The following PKD1 variants were observed in gnomAD, a reference collection of about 807,000 sequenced individuals.
PKD1 encodes polycystin-1.
In PKD1, 81 loss-of-function variants were observed where a neutral mutation model predicts 361.7. The ratio of observed to expected loss-of-function variants is 0.22; its 90% CI spans 0.19 to 0.27. PKD1 has a LOEUF of 0.27. PKD1 is among the 10% of genes least tolerant of loss of function. PKD1 has a pLI of 1.00. For synonymous variants in PKD1, 3,615 were observed against 2,818.3 expected, an observed-to-expected ratio of 1.28 and a Z score of -8.95; for missense variants, 6,399 against 6,118.3, an observed-to-expected ratio of 1.05 and a Z score of -1.53.
In PKD1 at chr16:2,088,819, C is replaced by T. The variant is rs911585648; in HGVS notation, c.*908G>A. ...CAGAAGTGGTACACAGAAGCAGGCACAGCCAGCTCCGAGGGCCTTGAGGCT... is the reference window on the plus strand; with the variant it reads ...CAGAAGTGGTACACAGAAGCAGGCATAGCCAGCTCCGAGGGCCTTGAGGCT... On this transcript the variant is annotated 3_prime_UTR_variant, in exon 46 of 46. Transcript: ENST00000262304. 1.5e-6 allele frequency: 1 copy of T among 675,104 alleles called. No homozygotes were observed. The highest frequency in any genetic ancestry group is 2.4e-6 in the Non-Finnish European group (1 of 408,358). 41.8% of individuals were successfully genotyped at this position (675,104 alleles called of 1,614,324 possible). A position where few individuals can be genotyped will look rare whatever the true frequency, so the allele number is the denominator to read the frequency against.
chr16:2,097,198 G>A lies in PKD1; in HGVS notation c.10449C>T (p.Ser3483=), dbSNP rs376590453. The A allele has an allele frequency of 3.8e-5, 59 of 1,565,264 alleles. 1 individual carries two copies. In the South Asian group the frequency reaches 5.8e-4, roughly 16 times the overall value. The change falls in exon 34 of 46, where the codon AGC becomes AGT. Residue 3483 remains serine, a synonymous_variant. Transcript: ENST00000262304. The part of the protein sequence containing the change: ...IQQVLAEGVS[S]PAPTQDTHME... ...TGTGGGTGTCTTGGGTAGGGGCTGGGCTGCTGACCCCCTCGGCAAGGACCT... is the reference window on the plus strand; with the variant it reads ...TGTGGGTGTCTTGGGTAGGGGCTGGACTGCTGACCCCCTCGGCAAGGACCT...
rs397514891 is a variant in PKD1 at position 2,088,757 on chromosome 16, T to TG, written c.*969dup. 1.7e-3 allele frequency: 1,917 copies of TG among 1,158,038 alleles called. 1 individual carries two copies. The highest frequency in any genetic ancestry group is 2.1e-3 in the Non-Finnish European group (1,786 of 834,784). 71.7% of individuals were successfully genotyped at this position (1,158,038 alleles called of 1,614,324 possible). A position where few individuals can be genotyped will look rare whatever the true frequency, so the allele number is the denominator to read the frequency against. Reference sequence around the variant, plus strand: ...GACTTTGTCTGCTTGGTGCGGGGGTTGGGGGGGTGTCGAGGCTCTAGAAGC... The same window carrying TG: ...GACTTTGTCTGCTTGGTGCGGGGGTTGGGGGGGGTGTCGAGGCTCTAGAAGC... On this transcript the variant is annotated 3_prime_UTR_variant, in exon 46 of 46. Coordinates refer to ENST00000262304, the MANE Select transcript of PKD1 (RefSeq NM_001009944.3).
Position 2,106,180 on chromosome 16 carries a change from C to G in PKD1, c.7614G>C (p.Val2538=), listed in dbSNP as rs1259190514. 6.2e-7 allele frequency: 1 copy of G among 1,609,774 alleles called. No individual in the cohort carries two copies. Residue 2538 remains valine, a synonymous_variant, in exon 19 of 46, where the codon GTG becomes GTC. Transcript: ENST00000262304. The surrounding 1 kb of genome is among the most constrained non-coding windows in gnomAD (Gnocchi z 6.5). ...AGTGTGGCCTGAAACCCGGGGGCAG[C>G]ACGGCTCCGTAGCTGGAGAGGCTGC... is the stretch of plus-strand genomic sequence containing the variant. ...YKGSLSSYGA[V]LPPGFRPHFE... is the part of the protein sequence containing the mutation.
At position 2,100,459 on chromosome 16, in the gene PKD1, G is replaced by A. The variant is rs765180455; in HGVS notation, c.9505C>T (p.Arg3169Trp). 2.7e-5 allele frequency: 44 copies of A among 1,610,830 alleles called. No individual in the cohort carries two copies. The highest frequency in any genetic ancestry group is 6.7e-5 in the East Asian group (3 of 44,882). Reference sequence around the variant, plus strand: ...CCCAGGCTGTGCGGGGTGGCGATCCGGAAGATGTCCAGGCTGTTGCGGTGG... The same window carrying A: ...CCCAGGCTGTGCGGGGTGGCGATCCAGAAGATGTCCAGGCTGTTGCGGTGG... Reference protein sequence around the residue: ...AFHRNSLDIFRIATPHSLGSV... With the variant: ...AFHRNSLDIFWIATPHSLGSV... The change falls in exon 27 of 46, where the codon CGG becomes TGG. Residue 3169 changes from arginine (R) to tryptophan (W), a missense_variant. Coordinates refer to ENST00000262304, the MANE Select transcript of PKD1 (RefSeq NM_001009944.3). The surrounding 1 kb of genome is among the most constrained non-coding windows in gnomAD (Gnocchi z 4.4).
rs765747211 is a variant in PKD1, at chr16:2,097,956, G to C, written c.10079C>G (p.Ala3360Gly). 1 of 1,597,398 alleles carries C rather than the reference G, an allele frequency of 6.3e-7. No individual in the cohort carries two copies. The highest frequency in any genetic ancestry group is 1.7e-5 in the Admixed American group (1 of 59,698). The part of the protein sequence containing the change: ...KVAGSPSPTP[A>G]GQQVLDIDSC... ...GTCGATGTCCAGCACCTGCTGCCCG[G>C]CAGGTGTGGGGCTCGGGCTCCCAGC... The change falls in exon 31 of 46, where the codon GCC becomes GGC. Residue 3360 changes from alanine to glycine, a missense_variant. Transcript: ENST00000262304.
rs183420430 is a variant in PKD1, at chr16:2,098,336, G to A, written c.10051-352C>T. On this transcript the variant is annotated intron_variant, in intron 30 of 45. Coordinates refer to ENST00000262304, the MANE Select transcript of PKD1 (RefSeq NM_001009944.3). ...CGATTGTCCTGGCTCAGCCTCCTGAGTAGCTGGGATTACAGGTGCCTGCCA... is the reference window on the plus strand; with the variant it reads ...CGATTGTCCTGGCTCAGCCTCCTGAATAGCTGGGATTACAGGTGCCTGCCA... 652 of 377,336 alleles carry A rather than the reference G, an allele frequency of 1.7e-3. 8 individuals are homozygous for A. Among genetic ancestry groups the A allele is most frequent in the African/African-American group, 0.013 (614 of 48,398 alleles). The allele number at this position is 377,336 out of a possible 1,614,324, so 23.4% of individuals were successfully genotyped here.
At chr16:2,124,499 G>A (rs770668927) in intron 1 of PKD1, among the ~76,000 whole-genome samples, 2 of 152,210 alleles carry the variant, frequency 1.3e-5, no homozygotes, top group African/African-American at 2.4e-5. Context: ...AGCCGGGGTC[G>A]GGGAATGCAA....
At chr16:2,092,654 GC>G in intron 38 of PKD1, 62 bp from the exon 39 acceptor site, 1 of 1,189,396 alleles carries the variant, frequency 8.4e-7, no homozygotes, top group Non-Finnish European at 1.2e-6. Context: ...CGAGTGAGCG[GC>G]CACCAGAGAC....
chr16:2,103,584 G>C lies in PKD1; in HGVS notation c.8473C>G (p.Leu2825Val). The C allele has an allele frequency of 6.2e-7, 1 of 1,610,298 alleles. No homozygotes were observed. The highest frequency in any genetic ancestry group is 8.5e-7 in the Non-Finnish European group (1 of 1,179,636). ...ALANLSDVVQ[L>V]IFLVDSNPFP... is the part of the protein sequence containing the mutation. ...GGATTGGAGTCCACCAGAAAGATGA[G>C]CTGCACCACGTCACTGAGGTTGGCC... Residue 2825 changes from leucine to valine, a missense_variant, in exon 23 of 46, where the codon CTC becomes GTC. Coordinates refer to ENST00000262304, the MANE Select transcript of PKD1 (RefSeq NM_001009944.3).
intron 7 of PKD1, 48 bp downstream of exon 7, chr16:2,116,785 C>G (rs1371422221): frequency 4.0e-6 from 5 of 1,238,932 alleles, no homozygotes; most frequent in Non-Finnish European, 5.7e-6. Context: ...CTCGGCAGGC[C>G]CCTAACCACA....
chr16:2,100,142 T>C lies in PKD1; in HGVS notation c.9712+24A>G. The stretch of plus-strand genomic sequence containing the variant: ...CCACCCTGCCCAACCTCCCACGGAG[T>C]GGGAACATGGAACGAGGCCTTACTC... On this transcript the variant is annotated intron_variant, in intron 28 of 45. Transcript: ENST00000262304. The surrounding 1 kb of genome is among the most constrained non-coding windows in gnomAD (Gnocchi z 4.4). 6.2e-7 allele frequency: 1 copy of C among 1,605,044 alleles called. No homozygotes were observed. The highest frequency in any genetic ancestry group is 8.5e-7 in the Non-Finnish European group (1 of 1,175,604).
At chr16:2,112,645 C>G in intron 13 of PKD1, 143 bp downstream of exon 13, 1 of 1,083,288 alleles carries the variant, frequency 9.2e-7, no homozygotes, top group Non-Finnish European at 1.4e-6. Flanking sequence ...AGCCTCAGGG[C>G]TCCTGTGCAC....
rs762702722 is a variant in PKD1, at chr16:2,103,934, T to C, written c.8162-39A>G. 162 of 1,245,038 alleles carry C rather than the reference T, an allele frequency of 1.3e-4. 1 individual carries two copies. In the Admixed American group the frequency reaches 2.3e-3, roughly 18 times the overall value. The allele number at this position is 1,245,038 out of a possible 1,614,324, so 77.1% of individuals were successfully genotyped here. A position where few individuals can be genotyped will look rare whatever the true frequency, so the allele number is the denominator to read the frequency against. On this transcript the variant is annotated intron_variant, in intron 22 of 45. Coordinates refer to ENST00000262304, the MANE Select transcript of PKD1 (RefSeq NM_001009944.3). ...TGAGGTCAGTGCAGAGACAGGGAGG[T>C]AGAGGGAGGGTGGGGGCAGGCAAAA... is the stretch of plus-strand genomic sequence containing the variant.
At position 2,097,931 on chromosome 16, in the gene PKD1, G is replaced by C; in HGVS notation, c.10104C>G (p.Asp3368Glu). Residue 3368 changes from aspartate (D) to glutamate (E), a missense_variant, in exon 31 of 46, where the codon GAC becomes GAG. Physicochemically the swap from Asp to Glu is conservative, Grantham distance 45. Coordinates refer to ENST00000262304, the MANE Select transcript of PKD1 (RefSeq NM_001009944.3). Reference protein sequence around the residue: ...TPAGQQVLDIDSCLDSSVLDS... With the variant: ...TPAGQQVLDIESCLDSSVLDS... ...CCAGCACGGACGAGTCCAGGCAGCTGTCGATGTCCAGCACCTGCTGCCCGG... is the reference window on the plus strand; with the variant it reads ...CCAGCACGGACGAGTCCAGGCAGCTCTCGATGTCCAGCACCTGCTGCCCGG... 1 of 1,603,888 alleles carries C rather than the reference G, an allele frequency of 6.2e-7. No homozygotes were observed. The highest frequency in any genetic ancestry group is 8.5e-7 in the Non-Finnish European group (1 of 1,173,974).
Position 2,094,011 on chromosome 16 carries a change from G to A in PKD1, c.10621C>T (p.Leu3541=), listed in dbSNP as rs775062482. The A allele has an allele frequency of 1.3e-6, 2 of 1,590,578 alleles. No homozygotes were observed. Among genetic ancestry groups the A allele is most frequent in the Non-Finnish European group, 1.7e-6 (2 of 1,169,912 alleles). Residue 3541 remains leucine (L), a splice_region_variant and synonymous_variant, in exon 36 of 46, where the codon CTG becomes TTG. Coordinates refer to ENST00000262304, the MANE Select transcript of PKD1 (RefSeq NM_001009944.3). ...PQAARLSRTG[L]VEGLRKRLLP... ...AGGCGCTTCCGCAGACCCTCCACCA[G>A]TCCTGGGGAAGCAGAGACAGACCTG...
chr16:2,111,131 T>A lies in PKD1; in HGVS notation c.4036A>T (p.Thr1346Ser). The change falls in exon 15 of 46, where the codon ACA (threonine) becomes TCA (serine). Residue 1346 changes from threonine (T) to serine (S), a missense_variant. Physicochemically the swap from Thr to Ser is moderately conservative, Grantham distance 58. Transcript: ENST00000262304. ...GTGCCGCTCCGCGTGAAGTTGTGTG[T>A]CACCGTCGGGCACCCCCGCACGGTC... ...NTTVRGCPTV[T>S]HNFTRSGTFP... is the part of the protein sequence containing the mutation. 1.9e-6 allele frequency: 3 copies of A among 1,610,946 alleles called. No individual in the cohort carries two copies. The highest frequency in any genetic ancestry group is 2.1e-4 in the Middle Eastern group (1 of 4,780).
chr16:2,114,931 G>C lies in PKD1; in HGVS notation c.2098-6C>G, dbSNP rs1004981803. 25 of 1,530,394 alleles carry C rather than the reference G, an allele frequency of 1.6e-5. No individual in the cohort carries two copies. Among genetic ancestry groups the C allele is most frequent in the Non-Finnish European group, 2.1e-5 (24 of 1,142,534 alleles). 94.8% of individuals were successfully genotyped at this position (1,530,394 alleles called of 1,614,324 possible). A position where few individuals can be genotyped will look rare whatever the true frequency, so the allele number is the denominator to read the frequency against. On this transcript the variant is annotated splice_polypyrimidine_tract_variant and splice_region_variant and intron_variant, in intron 10 of 45. Transcript: ENST00000262304. ...TCCTGGCCGTGGAGGGTGACCTGTG[G>C]AGAGGGAGGCAGGGCTGCATCACGT...
At position 2,094,002 on chromosome 16, in the gene PKD1, C is replaced by G; in HGVS notation, c.10630G>C (p.Gly3544Arg). The G allele has an allele frequency of 6.3e-7, 1 of 1,589,354 alleles. No individual in the cohort carries two copies. Among genetic ancestry groups the G allele is most frequent in the Non-Finnish European group, 8.5e-7 (1 of 1,169,680 alleles). ...ARLSRTGLVEGLRKRLLPAWC... is the reference protein window; with the variant it reads ...ARLSRTGLVERLRKRLLPAWC... ...GCCGGCAGCAGGCGCTTCCGCAGAC[C>G]CTCCACCAGTCCTGGGGAAGCAGAG... Residue 3544 changes from glycine to arginine, a missense_variant, in exon 36 of 46, where the codon GGT becomes CGT. Physicochemically the swap from Gly to Arg is moderately radical, Grantham distance 125 (BLOSUM62 -2). Coordinates refer to ENST00000262304, the MANE Select transcript of PKD1 (RefSeq NM_001009944.3).
chr16:2,115,315 G>A, intron 10 of PKD1, 63 bp downstream of exon 10: 1 of 1,411,912 alleles, frequency 7.1e-7, no homozygotes, highest in East Asian at 2.5e-5. Flanking sequence ...CCAGACCCTG[G>A]GCAGCAGACA....
Sources: gnomAD v4.1 joint callset for allele counts (sites outside exome capture counted in the v4.1 genomes callset) on GRCh38, gnomAD v4.1.1 for gene constraint, Gnocchi (gnomAD v3.1) non-coding constraint, MANE v1.5 for transcripts, NCBI Gene and HGNC (gene_info 2026-07-23, HGNC 2026-07-21) for gene names.